The following RIN3 variants were observed in gnomAD, a reference collection of about 807,000 sequenced individuals.
RIN3 encodes Ras and Rab interactor 3.
In RIN3, 54 loss-of-function variants were observed where a neutral mutation model predicts 76.3. That is an observed-to-expected ratio of 0.71 (90% CI 0.57 to 0.89). The LOEUF is 0.89. Among genes scored for constraint, RIN3 ranks in the 40% least tolerant of loss-of-function variants. The pLI, the probability that RIN3 is intolerant of heterozygous loss-of-function variation, is 0.00. For synonymous variants in RIN3, 576 were observed against 564.0 expected (o/e 1.02, Z -0.30); for missense variants, 1,256 against 1,322.1 (o/e 0.95, Z 0.78).
In RIN3 at chr14:92,652,171, G is replaced by T. The variant is rs370750024; in HGVS notation, c.1122G>T (p.Pro374=). ...ASSPLQQVPA[P]PLPAKKNLPT... The stretch of plus-strand genomic sequence containing the variant: ...GTCCCTTGCAGCAGGTCCCCGCCCC[G>T]CCACTGCCTGCGAAGAAGAACCTTC... The change falls in exon 6 of 10, where the codon CCG becomes CCT. Residue 374 remains proline (P), a synonymous_variant. Coordinates refer to ENST00000216487, the MANE Select transcript of RIN3 (RefSeq NM_024832.5). The surrounding 1 kb of genome is among the most constrained non-coding windows in gnomAD (Gnocchi z 6.4). 1.9e-6 allele frequency: 3 copies of T among 1,602,250 alleles called. No individual in the cohort carries two copies. The highest frequency in any genetic ancestry group is 3.4e-5 in the Admixed American group (2 of 59,404).
At chr14:92,682,591 G>A (rs532036660) in intron 8 of RIN3, among the ~76,000 whole-genome samples, 37 of 152,258 alleles carry the variant, frequency 2.4e-4, no homozygotes, top group Middle Eastern at 3.4e-3. Flanking sequence ...CCAGTAATGC[G>A]TCTGGGTTCC....
intron 9 of RIN3, 48 bp from the exon 10 acceptor site, chr14:92,687,878 G>A (rs1888923551): frequency 6.8e-7 from 1 of 1,466,882 alleles, no homozygotes; most frequent in African/African-American, 1.5e-5. Context: ...GAGGGCGCCT[G>A]AGGAGACAGG....
In RIN3 at chr14:92,688,097, G is replaced by A. The variant is rs371795447; in HGVS notation, c.2803G>A (p.Ala935Thr). The change falls in exon 10 of 10, where the codon GCG becomes ACG. Residue 935 changes from alanine to threonine, a missense_variant. Coordinates refer to ENST00000216487, the MANE Select transcript of RIN3 (RefSeq NM_024832.5). Reference sequence around the variant, plus strand: ...GGTGGACGGGCGCTGCTTCCAGCTGGCGGACGACGCGCTGCCGCACTGCAT... The same window carrying A: ...GGTGGACGGGCGCTGCTTCCAGCTGACGGACGACGCGCTGCCGCACTGCAT... Reference protein sequence around the residue: ...VLVDGRCFQLADDALPHCIKG... With the variant: ...VLVDGRCFQLTDDALPHCIKG... 3.1e-6 allele frequency: 5 copies of A among 1,607,232 alleles called. No homozygotes were observed. Among genetic ancestry groups the A allele is most frequent in the African/African-American group, 1.3e-5 (1 of 74,978 alleles).
chr14:92,564,803 A>G (rs1897872085), intron 2 of RIN3, among the ~76,000 whole-genome samples: 5 of 152,188 alleles, frequency 3.3e-5, no homozygotes, highest in Admixed American at 3.3e-4. Flanking sequence ...GGGATGAAAA[A>G]TGGAGGAAAC....
intron 1 of RIN3, among the ~76,000 whole-genome samples, chr14:92,519,102 C>T (rs8007088): frequency 0.065 from 9,833 of 152,012 alleles, 1,082 homozygotes; most frequent in African/African-American, 0.23. Context: ...TAGCAGGCAA[C>T]GGAAGCTGGT....
chr14:92,564,587 T>C (rs1177602194), intron 2 of RIN3, among the ~76,000 whole-genome samples: 1 of 152,202 alleles, frequency 6.6e-6, no homozygotes, highest in African/African-American at 2.4e-5. Context: ...AGCAAACCAA[T>C]GTCAGAACTA....
chr14:92,546,075 G>C (rs939478494), intron 1 of RIN3, among the ~76,000 whole-genome samples: 1 of 151,906 alleles, frequency 6.6e-6, no homozygotes, highest in African/African-American at 2.4e-5. Context: ...ACAGGCACCC[G>C]CCACCACATC....
chr14:92,670,619 T>G (rs1399977141), intron 7 of RIN3, among the ~76,000 whole-genome samples: 1 of 152,184 alleles, frequency 6.6e-6, no homozygotes, highest in East Asian at 1.9e-4. Flanking sequence ...TGTGGATACT[T>G]TCTCACCAAC....
At chr14:92,584,816 G>A (rs776041207) in intron 3 of RIN3, among the ~76,000 whole-genome samples, 1 of 152,144 alleles carries the variant, frequency 6.6e-6, no homozygotes, top group Non-Finnish European at 1.5e-5. Flanking sequence ...ACAGATTCAG[G>A]TGATGGCGTC....
At chr14:92,672,338 G>A (rs7152480) in intron 7 of RIN3, among the ~76,000 whole-genome samples, 18,075 of 152,154 alleles carry the variant, frequency 0.12, 1,165 homozygotes, top group East Asian at 0.24. Context: ...CCTGAACCTG[G>A]GAGGTGAAGG....
At chr14:92,575,630 G>A (rs1402135526) in intron 2 of RIN3, among the ~76,000 whole-genome samples, 1 of 152,058 alleles carries the variant, frequency 6.6e-6, no homozygotes, top group African/African-American at 2.4e-5. Context: ...CATGACATCT[G>A]TAAACTGTCA....
Position 92,681,193 on chromosome 14 carries a change from AT to A in RIN3, c.2468-3792del, listed in dbSNP as rs1345348853. On this transcript the variant is annotated intron_variant, in intron 8 of 9. Coordinates refer to ENST00000216487, the MANE Select transcript of RIN3 (RefSeq NM_024832.5). The surrounding 1 kb of genome is among the most constrained non-coding windows in gnomAD (Gnocchi z 4.7). ...GGCAGTGGGTTTTTCCAATCAACGC[AT>A]TCGCCCCAGAGAGAAAAGCCTGCTC... Among the ~76,000 whole-genome samples the A allele has an allele frequency of 6.6e-6, 1 of 152,030 alleles. No homozygotes were observed.
At position 92,687,940 on chromosome 14, in the gene RIN3, G is replaced by A; in HGVS notation, c.2646G>A (p.Val882=). The A allele has an allele frequency of 6.5e-7, 1 of 1,548,140 alleles. No homozygotes were observed. The highest frequency in any genetic ancestry group is 1.2e-5 in the South Asian group (1 of 84,174). The change falls in exon 10 of 10, where the codon GTG becomes GTA. Residue 882 remains valine, a synonymous_variant. Transcript: ENST00000216487. Reference sequence around the variant, plus strand: ...CGTCTCCGCAGGACTTCATCTGCGTGTCGTACCTGGAGCCCGAGCAGCAGG... The same window carrying A: ...CGTCTCCGCAGGACTTCATCTGCGTATCGTACCTGGAGCCCGAGCAGCAGG... ...SRSSVQDFIC[V]SYLEPEQQAR...
chr14:92,576,714 ATC>A (rs1898248911), intron 2 of RIN3, among the ~76,000 whole-genome samples: 2 of 152,220 alleles, frequency 1.3e-5, no homozygotes, highest in Admixed American at 1.3e-4. Flanking sequence ...CAGTTCCTTC[ATC>A]TGTAAGATGG....
At position 92,628,042 on chromosome 14, in the gene RIN3, G is replaced by T. The variant is rs138032390; in HGVS notation, c.440+12563G>T. Among the ~76,000 whole-genome samples the T allele has an allele frequency of 3.3e-5, 5 of 152,130 alleles. No homozygotes were observed. In the East Asian group the frequency reaches 7.7e-4, roughly 23 times the overall value. On this transcript the variant is annotated intron_variant, in intron 4 of 9. Transcript: ENST00000216487. ...GGACCACACAATCTAGGCTAATTCC[G>T]ATTGGCTACTGTTGACATCATCAAA...
intron 7 of RIN3, among the ~76,000 whole-genome samples, chr14:92,674,483 G>A (rs963587414): frequency 2.0e-5 from 3 of 151,992 alleles, no homozygotes; most frequent in African/African-American, 7.3e-5. Flanking sequence ...TGTGCCTGTA[G>A]TCCCAGCTAC....
chr14:92,682,102 G>T (rs1180501579), intron 8 of RIN3, among the ~76,000 whole-genome samples: 2 of 152,102 alleles, frequency 1.3e-5, no homozygotes, highest in African/African-American at 4.8e-5. Flanking sequence ...GGCCAGGCTG[G>T]TCTTGAACTC....
At chr14:92,634,205 G>A (rs1222024754) in intron 4 of RIN3, among the ~76,000 whole-genome samples, 2 of 150,712 alleles carry the variant, frequency 1.3e-5, no homozygotes, top group Non-Finnish European at 2.9e-5. Flanking sequence ...CTCCCACATA[G>A]CTGGGATTAC....
chr14:92,688,361 A>G lies in RIN3; in HGVS notation c.*109A>G. On this transcript the variant is annotated 3_prime_UTR_variant, in exon 10 of 10. Transcript: ENST00000216487. ...GCAGCAGAGGGACATGGGCCATTCC[A>G]TGACGTGCCCAGGCCAACGTCGCAG... The G allele has an allele frequency of 3.6e-6, 4 of 1,101,974 alleles. No homozygotes were observed. Among genetic ancestry groups the G allele is most frequent in the Non-Finnish European group, 5.0e-6 (4 of 797,002 alleles). The allele number at this position is 1,101,974 out of a possible 1,614,324, so 68.3% of individuals were successfully genotyped here.
Sources: gnomAD v4.1 joint callset for allele counts (sites outside exome capture counted in the v4.1 genomes callset) on GRCh38, gnomAD v4.1.1 for gene constraint, Gnocchi (gnomAD v3.1) non-coding constraint, MANE v1.5 for transcripts, NCBI Gene and HGNC (gene_info 2026-07-23, HGNC 2026-07-21) for gene names.